The following VAPB variants were observed in gnomAD, a reference collection of about 807,000 sequenced individuals.
VAPB encodes VAMP associated protein B and C.
A neutral mutation model predicts 25.6 loss-of-function variants in VAPB; 7 were observed. That is an observed-to-expected ratio of 0.27 (90% CI 0.16 to 0.51). The LOEUF (loss-of-function observed/expected upper bound fraction) is 0.51, where lower values mean the gene tolerates loss of function less well. Among genes scored for constraint, VAPB ranks in the 20% least tolerant of loss-of-function variants. The pLI is 0.97. For missense variants in VAPB, 266 were observed against 301.3 expected, an observed-to-expected ratio of 0.88 and a Z score of 0.87; for synonymous variants, 112 against 109.2, an observed-to-expected ratio of 1.03 and a Z score of -0.16.
chr20:58,447,619 A>G lies in VAPB; in HGVS notation c.*3384A>G, dbSNP rs1989325489. The stretch of plus-strand genomic sequence containing the variant: ...GAATGTAGTGAGAGCTCAGAGCTAC[A>G]GAGCCTTTCAGATGAATTTGAAAAC... On this transcript the variant is annotated 3_prime_UTR_variant, in exon 6 of 6. Coordinates refer to ENST00000475243, the MANE Select transcript of VAPB (RefSeq NM_004738.5). The G allele has an allele frequency of 2.2e-6, 1 of 453,822 alleles. No homozygotes were observed. The allele number at this position is 453,822 out of a possible 1,614,324, so 28.1% of individuals were successfully genotyped here. A position where few individuals can be genotyped will look rare whatever the true frequency, so the allele number is the denominator to read the frequency against.
intron 4 of VAPB, chr20:58,439,860 C>A (rs1489884278): frequency 6.6e-6 from 1 of 152,152 alleles, no homozygotes; most frequent in East Asian, 1.9e-4. Context: ...TAGTCGAAAA[C>A]ATTTTAATTT....
Position 58,447,475 on chromosome 20 carries a change from A to C in VAPB, c.*3240A>C, listed in dbSNP as rs1236165999. 2.2e-6 allele frequency: 1 copy of C among 454,034 alleles called. No homozygotes were observed. Among genetic ancestry groups the C allele is most frequent in the Non-Finnish European group, 4.4e-6 (1 of 226,812 alleles). The allele number at this position is 454,034 out of a possible 1,614,324, so 28.1% of individuals were successfully genotyped here. On this transcript the variant is annotated 3_prime_UTR_variant, in exon 6 of 6. Transcript: ENST00000475243. ...CCTCCATAACACAGAAGGGGGAAAA[A>C]TGAAGAACCTCCAGTGATCCGTGAA...
chr20:58,427,274 T>C (rs1289869016), intron 2 of VAPB, among the ~76,000 whole-genome samples: 1 of 84,730 alleles, frequency 1.2e-5, no homozygotes, highest in Non-Finnish European at 2.5e-5. Flanking sequence ...GTTACCATTA[T>C]GATGCAGGCG....
intron 1 of VAPB, 75 bp downstream of exon 1, chr20:58,389,592 G>T: frequency 1.4e-6 from 2 of 1,475,672 alleles, no homozygotes; most frequent in South Asian, 2.5e-5. Context: ...CCGGCGCGGC[G>T]GGTGACGTCG....
At chr20:58,419,123 T>G (rs949538374) in intron 2 of VAPB, among the ~76,000 whole-genome samples, 1 of 152,240 alleles carries the variant, frequency 6.6e-6, no homozygotes, top group Non-Finnish European at 1.5e-5. Flanking sequence ...TGTGTATTTA[T>G]CTTGTAAATA....
At position 58,440,724 on chromosome 20, in the gene VAPB, C is replaced by T. The variant is rs1173824910; in HGVS notation, c.397-183C>T. On this transcript the variant is annotated intron_variant, in intron 4 of 5. Transcript: ENST00000475243. ...TGCCCTTATCCATAATTTCTAGGGC[C>T]CTGTTGCTTTAGATTATTAAGATAT... The T allele has an allele frequency of 7.1e-6, 4 of 559,816 alleles. No homozygotes were observed. In the East Asian group the frequency reaches 1.0e-4, roughly 14 times the overall value. 34.7% of individuals were successfully genotyped at this position (559,816 alleles called of 1,614,324 possible). A position where few individuals can be genotyped will look rare whatever the true frequency, so the allele number is the denominator to read the frequency against.
At chr20:58,438,902 G>A (rs774005586) in intron 3 of VAPB, 43 bp from the exon 4 acceptor site, 5 of 1,522,742 alleles carry the variant, frequency 3.3e-6, no homozygotes, top group Non-Finnish European at 4.6e-6. Context: ...TATTCTTCCA[G>A]CAGGTTTATA....
At chr20:58,435,348 A>G (rs1448929435) in intron 3 of VAPB, among the ~76,000 whole-genome samples, 2 of 152,206 alleles carry the variant, frequency 1.3e-5, no homozygotes, top group African/African-American at 4.8e-5. Flanking sequence ...CATTTGAATA[A>G]GTCCATTGGC....
intron 4 of VAPB, 56 bp downstream of exon 4, chr20:58,439,081 A>G: frequency 6.7e-7 from 1 of 1,499,886 alleles, no homozygotes; most frequent in Non-Finnish European, 9.3e-7. Context: ...ACTTATTTGC[A>G]TACCATTTCC....
chr20:58,411,975 A>T (rs1988392111), intron 1 of VAPB, among the ~76,000 whole-genome samples: 4 of 152,218 alleles, frequency 2.6e-5, no homozygotes, highest in Non-Finnish European at 5.9e-5. Flanking sequence ...CACTGTGCCC[A>T]GCCTTCATTT....
intron 3 of VAPB, among the ~76,000 whole-genome samples, chr20:58,435,198 A>G (rs531003931): frequency 1.8e-4 from 27 of 152,222 alleles, no homozygotes; most frequent in African/African-American, 6.5e-4. Flanking sequence ...CCCCTGCTTA[A>G]ATCTATGTTT....
intron 1 of VAPB, among the ~76,000 whole-genome samples, chr20:58,412,755 T>C (rs1173649848): frequency 6.6e-6 from 1 of 152,202 alleles, no homozygotes; most frequent in Non-Finnish European, 1.5e-5. Flanking sequence ...ACATGAACTT[T>C]TAAATTATTC....
chr20:58,389,501 C>G lies in VAPB; in HGVS notation c.42C>G (p.His14Gln), dbSNP rs1987730373. Residue 14 changes from histidine (H) to glutamine (Q), a missense_variant, in exon 1 of 6, where the codon CAC becomes CAG. Physicochemically the swap from His to Gln is conservative, Grantham distance 24 (BLOSUM62 0). Coordinates refer to ENST00000475243, the MANE Select transcript of VAPB (RefSeq NM_004738.5). ...VEQVLSLEPQHELKFRGPFTD... is the reference protein window; with the variant it reads ...VEQVLSLEPQQELKFRGPFTD... ...AGGTCCTGAGCCTCGAGCCGCAGCA[C>G]GAGCTCAAATTCCGAGGTAAGCCCC... 1 of 1,592,522 alleles carries G rather than the reference C, an allele frequency of 6.3e-7. No homozygotes were observed. Among genetic ancestry groups the G allele is most frequent in the East Asian group, 2.3e-5 (1 of 43,830 alleles).
intron 1 of VAPB, among the ~76,000 whole-genome samples, chr20:58,392,362 A>G (rs1987826411): frequency 6.6e-6 from 1 of 152,236 alleles, no homozygotes; most frequent in Non-Finnish European, 1.5e-5. Context: ...GATTGGCCAA[A>G]GTAATTATGC....
chr20:58,398,293 C>T (rs1387807443), intron 1 of VAPB, among the ~76,000 whole-genome samples: 3 of 152,148 alleles, frequency 2.0e-5, no homozygotes, highest in African/African-American at 7.2e-5. Context: ...ATTGAAAAAT[C>T]GCAAGTCAAA....
At chr20:58,419,767 T>C (rs1264672845) in intron 2 of VAPB, among the ~76,000 whole-genome samples, 2 of 152,208 alleles carry the variant, frequency 1.3e-5, no homozygotes, top group African/African-American at 4.8e-5. Context: ...TGAAATCTTT[T>C]GTTCCCCTCT....
chr20:58,447,999 C>T lies in VAPB; in HGVS notation c.*3764C>T, dbSNP rs376626781. The T allele has an allele frequency of 2.1e-4, 97 of 453,744 alleles. No individual in the cohort carries two copies. In the East Asian group the frequency reaches 2.7e-3, roughly 13 times the overall value. 28.1% of individuals were successfully genotyped at this position (453,744 alleles called of 1,614,324 possible). A position where few individuals can be genotyped will look rare whatever the true frequency, so the allele number is the denominator to read the frequency against. On this transcript the variant is annotated 3_prime_UTR_variant, in exon 6 of 6. Coordinates refer to ENST00000475243, the MANE Select transcript of VAPB (RefSeq NM_004738.5). ...GATGGCATTTCATTGAAGGGCCTCT[C>T]GTGGCTTTCCCTGCCCCCGGCTGTC...
chr20:58,406,032 G>T (rs1416303225), intron 1 of VAPB, among the ~76,000 whole-genome samples: 4 of 152,148 alleles, frequency 2.6e-5, no homozygotes, highest in Non-Finnish European at 5.9e-5. Flanking sequence ...GCAGTTGGGT[G>T]AGTGGTGGTT....
At chr20:58,439,145 GA>G (rs200323755) in intron 4 of VAPB, 120 bp downstream of exon 4, 12 of 950,002 alleles carry the variant, frequency 1.3e-5, no homozygotes, top group Non-Finnish European at 1.8e-5. Flanking sequence ...GATGTCTGAA[GA>G]AAAAAAATAA....
Sources: gnomAD v4.1 joint callset for allele counts (sites outside exome capture counted in the v4.1 genomes callset) on GRCh38, gnomAD v4.1.1 for gene constraint, MANE v1.5 for transcripts, NCBI Gene and HGNC (gene_info 2026-07-23, HGNC 2026-07-21) for gene names.